Variants in CTNNA2 observed in about 807,000 individuals in gnomAD.
CTNNA2 encodes catenin alpha 2, also known as catenin alpha-2.
In CTNNA2, 42 loss-of-function variants were observed where a neutral mutation model predicts 101.0. The ratio of observed to expected loss-of-function variants is 0.42; its 90% CI spans 0.32 to 0.54. CTNNA2 has a LOEUF of 0.54. Among genes scored for constraint, CTNNA2 ranks in the 20% least tolerant of loss-of-function variants. The probability of loss-of-function intolerance (pLI) is 0.14; values close to 1 mark genes in which losing one functional copy is unlikely to be tolerated. For missense variants in CTNNA2, 871 were observed against 1,223.1 expected (o/e 0.71, Z 4.29); for synonymous variants, 450 against 456.4 (o/e 0.99, Z 0.18).
chr2:79,396,845 G>T (rs1308643668), intron 4 of CTNNA2, among the ~76,000 whole-genome samples: 1 of 152,138 alleles, frequency 6.6e-6, no homozygotes, highest in Non-Finnish European at 1.5e-5. Context: ...TTCCTAATCA[G>T]CATGTTGCTC....
At chr2:79,481,061 C>A (rs1253291212) in intron 4 of CTNNA2, among the ~76,000 whole-genome samples, 4 of 151,170 alleles carry the variant, frequency 2.6e-5, no homozygotes. Context: ...AAATGAATTC[C>A]CAGAAGTGCA....
At chr2:79,731,588 C>A (rs1455808840) in intron 2 of CTNNA2, among the ~76,000 whole-genome samples, 1 of 151,868 alleles carries the variant, frequency 6.6e-6, no homozygotes, top group East Asian at 1.9e-4. Flanking sequence ...TCATTTTCAT[C>A]CAAAAGAAAA....
At chr2:80,322,533 C>T (rs1431134823) in intron 7 of CTNNA2, among the ~76,000 whole-genome samples, 1 of 151,608 alleles carries the variant, frequency 6.6e-6, no homozygotes, top group Non-Finnish European at 1.5e-5. Context: ...CTGCCTGCAG[C>T]CCCCGGGCCC....
chr2:79,649,296 A>G (rs773215950), intron 1 of CTNNA2: 3 of 154,708 alleles, frequency 1.9e-5, no homozygotes, highest in South Asian at 2.0e-4. Flanking sequence ...GAAATTCTCT[A>G]TGCAGTCTTA....
chr2:79,194,577 T>A (rs1208733684), intron 1 of CTNNA2, among the ~76,000 whole-genome samples: 4 of 152,214 alleles, frequency 2.6e-5, no homozygotes, highest in Admixed American at 2.6e-4. Flanking sequence ...AGAGCAAACT[T>A]GTAGCCACAG....
chr2:79,334,293 A>C lies in CTNNA2; in HGVS notation c.-318+21497A>C, dbSNP rs1282173614. ...AAAATGACTTCCTCAAGGTCATAAA[A>C]CTATGCTGGCAGAACCAGAATTTGA... On this transcript the variant is annotated intron_variant, in intron 3 of 21. Transcript: ENST00000466387. Among the ~76,000 whole-genome samples, 7 of 152,124 alleles carry C rather than the reference A, an allele frequency of 4.6e-5. No individual in the cohort carries two copies. The East Asian group carries it at 1.3e-3, about 29-fold the overall frequency.
chr2:79,418,995 T>C (rs1678511843), intron 4 of CTNNA2, among the ~76,000 whole-genome samples: 1 of 152,164 alleles, frequency 6.6e-6, no homozygotes, highest in South Asian at 2.1e-4. Context: ...GATAATTGGA[T>C]GCTCTCCTTT....
At chr2:79,605,002 A>G (rs1442640648) in intron 1 of CTNNA2, among the ~76,000 whole-genome samples, 1 of 152,214 alleles carries the variant, frequency 6.6e-6, no homozygotes, top group Non-Finnish European at 1.5e-5. Flanking sequence ...GTAAGCAAAG[A>G]AGCAGGAAAT....
At chr2:79,275,239 A>C (rs1400767431) in intron 2 of CTNNA2, among the ~76,000 whole-genome samples, 1 of 152,072 alleles carries the variant, frequency 6.6e-6, no homozygotes, top group African/African-American at 2.4e-5. Flanking sequence ...TGCCCAAAAG[A>C]GGTAACTGGA....
intron 7 of CTNNA2, among the ~76,000 whole-genome samples, chr2:80,349,116 G>A (rs1269334772): frequency 6.6e-6 from 1 of 152,140 alleles, no homozygotes; most frequent in Non-Finnish European, 1.5e-5. Context: ...TTAAATGATA[G>A]CTTCCAGAAC....
intron 4 of CTNNA2, among the ~76,000 whole-genome samples, chr2:79,488,318 C>CAAAAAAAAA (rs61641596): frequency 3.0e-5 from 3 of 99,868 alleles, no homozygotes; most frequent in Non-Finnish European, 4.3e-5. Flanking sequence ...AACTCCATCT[C>CAAAAAAAAA]AAAAAAAAAA....
chr2:80,459,934 A>G (rs1684288096), intron 9 of CTNNA2, among the ~76,000 whole-genome samples: 1 of 152,056 alleles, frequency 6.6e-6, no homozygotes, highest in Non-Finnish European at 1.5e-5. Context: ...ATAGTGTTCA[A>G]TTTCCTGGCA....
chr2:80,415,280 A>G (rs751779648), intron 8 of CTNNA2, among the ~76,000 whole-genome samples: 2 of 152,118 alleles, frequency 1.3e-5, no homozygotes, highest in Non-Finnish European at 2.9e-5. Flanking sequence ...GCCTCCTGTT[A>G]TTCTGGCTTG....
At chr2:79,265,902 A>G (rs1043208663) in intron 2 of CTNNA2, among the ~76,000 whole-genome samples, 3 of 152,162 alleles carry the variant, frequency 2.0e-5, no homozygotes, top group Non-Finnish European at 2.9e-5. Context: ...GTTCTTAGAT[A>G]AGCAAACATA....
chr2:79,596,175 G>T (rs1325631719), intron 1 of CTNNA2, among the ~76,000 whole-genome samples: 2 of 151,856 alleles, frequency 1.3e-5, no homozygotes, highest in African/African-American at 4.8e-5. Context: ...TTCCCAAATG[G>T]CTCTATGCAT....
intron 4 of CTNNA2, among the ~76,000 whole-genome samples, chr2:79,460,422 T>C (rs769820152): frequency 1.9e-4 from 29 of 152,204 alleles, no homozygotes; most frequent in Non-Finnish European, 3.4e-4. Flanking sequence ...GTCCAGAAAC[T>C]GGAAGTTATT....
intron 9 of CTNNA2, among the ~76,000 whole-genome samples, chr2:80,486,622 T>A (rs1447999073): frequency 1.3e-5 from 2 of 152,156 alleles, no homozygotes; most frequent in Non-Finnish European, 2.9e-5. Flanking sequence ...ATACTTACAT[T>A]CTATTAATTT....
intron 3 of CTNNA2, among the ~76,000 whole-genome samples, chr2:79,781,091 G>A (rs75233295): frequency 0.064 from 9,720 of 152,210 alleles, 546 homozygotes; most frequent in South Asian, 0.19. Flanking sequence ...CTACTCCATA[G>A]ACGGAGCCAG....
At chr2:80,532,387 A>C (rs1244615566) in intron 9 of CTNNA2, among the ~76,000 whole-genome samples, 1 of 152,172 alleles carries the variant, frequency 6.6e-6, no homozygotes, top group Non-Finnish European at 1.5e-5. Flanking sequence ...CAGCATATGC[A>C]CTGTAGAGGC....
Sources: allele counts gnomAD v4.1 joint callset (sites outside exome capture counted in the v4.1 genomes callset), GRCh38; gene constraint gnomAD v4.1.1; transcripts MANE v1.5; gene names NCBI Gene and HGNC (gene_info 2026-07-23, HGNC 2026-07-21).